Variants in MAGI2 observed in about 807,000 individuals in gnomAD.
MAGI2 encodes membrane-associated guanylate kinase, WW and PDZ domain-containing protein 2.
A neutral mutation model predicts 133.3 loss-of-function variants in MAGI2; 35 were observed. The observed-to-expected ratio is 0.26, with a 90% CI of 0.20 to 0.35. MAGI2 has a LOEUF of 0.35. Among genes scored for constraint, MAGI2 ranks in the 10% least tolerant of loss-of-function variants. The pLI is 1.00. For synonymous variants in MAGI2, 729 were observed against 710.6 expected (o/e 1.03, Z -0.41); for missense variants, 1,636 against 1,863.4 (o/e 0.88, Z 2.25).
chr7:78,368,294 C>A (rs534183726), intron 7 of MAGI2, among the ~76,000 whole-genome samples: 1 of 152,234 alleles, frequency 6.6e-6, no homozygotes, highest in South Asian at 2.1e-4. Context: ...AACTCTTGAC[C>A]ATCTGTAACT....
At chr7:78,715,752 T>C (rs1429457603) in intron 2 of MAGI2, among the ~76,000 whole-genome samples, 1 of 122,858 alleles carries the variant, frequency 8.1e-6, no homozygotes, top group African/African-American at 2.9e-5. Context: ...TTGTTTTAGA[T>C]AATAAGATAG....
chr7:78,737,063 A>G (rs567604762), intron 2 of MAGI2, among the ~76,000 whole-genome samples: 2 of 152,316 alleles, frequency 1.3e-5, no homozygotes, highest in African/African-American at 4.8e-5. Flanking sequence ...TTTGGCAGAC[A>G]TTTTCTTGAA....
At chr7:79,274,792 C>T (rs775171469) in intron 1 of MAGI2, among the ~76,000 whole-genome samples, 8 of 152,086 alleles carry the variant, frequency 5.3e-5, no homozygotes, top group Non-Finnish European at 1.0e-4. Flanking sequence ...CTTTGTGTCT[C>T]CACGTCACAT....
chr7:78,040,837 G>GC (rs1810756530), intron 21 of MAGI2, among the ~76,000 whole-genome samples: 1 of 152,132 alleles, frequency 6.6e-6, no homozygotes, highest in Non-Finnish European at 1.5e-5. Context: ...AACCATTAAG[G>GC]GGCTAACTGG....
At chr7:79,164,269 G>C (rs139882452) in intron 1 of MAGI2, among the ~76,000 whole-genome samples, 2 of 151,916 alleles carry the variant, frequency 1.3e-5, no homozygotes, top group Non-Finnish European at 2.9e-5. Flanking sequence ...TTATTTAACC[G>C]TATGTATTGT....
At chr7:78,602,869 T>C (rs994814727) in intron 3 of MAGI2, among the ~76,000 whole-genome samples, 1 of 152,238 alleles carries the variant, frequency 6.6e-6, no homozygotes, top group Non-Finnish European at 1.5e-5. Flanking sequence ...TATTATTGCA[T>C]AGACTTTGTT....
chr7:79,438,807 G>A (rs1340100033), intron 1 of MAGI2, among the ~76,000 whole-genome samples: 1 of 151,976 alleles, frequency 6.6e-6, no homozygotes, highest in Non-Finnish European at 1.5e-5. Context: ...CCATAAGTGA[G>A]TGAAACCAAA....
chr7:78,213,910 C>A (rs6963329), intron 10 of MAGI2, among the ~76,000 whole-genome samples: 44,162 of 152,046 alleles, frequency 0.29, 6,981 homozygotes, highest in Admixed American at 0.35. Context: ...CATACTACTC[C>A]CCCAACCTCC....
intron 1 of MAGI2, among the ~76,000 whole-genome samples, chr7:79,340,932 A>G (rs1041371654): frequency 1.3e-5 from 2 of 152,130 alleles, no homozygotes; most frequent in African/African-American, 2.4e-5. Context: ...ATTTTGTTGA[A>G]TATGGGAACT....
chr7:78,890,231 T>C (rs1336529687), intron 2 of MAGI2, among the ~76,000 whole-genome samples: 1 of 152,128 alleles, frequency 6.6e-6, no homozygotes, highest in Non-Finnish European at 1.5e-5. Context: ...ATAAAGCAAG[T>C]CCTTAGAGAC....
At chr7:79,391,488 C>CATATATATATATATATAGACATATAT (rs1844605515) in intron 1 of MAGI2, among the ~76,000 whole-genome samples, 24 of 119,328 alleles carry the variant, frequency 2.0e-4, no homozygotes, top group Admixed American at 2.8e-4. Flanking sequence ...TTACCTTTAA[C>CATATATATATATATATAGACATATAT]ATATATATAT....
chr7:79,333,604 A>C (rs1331926458), intron 1 of MAGI2, among the ~76,000 whole-genome samples: 1 of 152,214 alleles, frequency 6.6e-6, no homozygotes, highest in Non-Finnish European at 1.5e-5. Flanking sequence ...TTGGGTATTC[A>C]ATTCAAGCTC....
rs151140121 is a variant in MAGI2 at position 78,256,134 on chromosome 7, A to G, written c.1856T>C (p.Ile619Thr). ...CCGCTGTCCTGTAGGACTGTCGGCAATAGTGAAGCCGAAGCCCTGGGCACC... is the reference window on the plus strand; with the variant it reads ...CCGCTGTCCTGTAGGACTGTCGGCAGTAGTGAAGCCGAAGCCCTGGGCACC... Reference protein sequence around the residue: ...VKGAQGFGFTIADSPTGQRVK... With the variant: ...VKGAQGFGFTTADSPTGQRVK... Residue 619 changes from isoleucine to threonine, a missense_variant, in exon 10 of 22, where the codon ATT (isoleucine) becomes ACT (threonine). Ile to Thr is a moderately conservative substitution (Grantham distance 89). Coordinates refer to ENST00000354212, the MANE Select transcript of MAGI2 (RefSeq NM_012301.4). The G allele has an allele frequency of 4.3e-6, 7 of 1,613,794 alleles. No homozygotes were observed. Among genetic ancestry groups the G allele is most frequent in the Non-Finnish European group, 5.9e-6 (7 of 1,179,972 alleles).
At chr7:79,398,899 G>T (rs1367227147) in intron 1 of MAGI2, among the ~76,000 whole-genome samples, 1 of 151,948 alleles carries the variant, frequency 6.6e-6, no homozygotes, top group Non-Finnish European at 1.5e-5. Flanking sequence ...TATGAATATA[G>T]CTTACTTGTT....
intron 2 of MAGI2, among the ~76,000 whole-genome samples, chr7:78,994,647 C>A (rs1048779776): frequency 6.6e-6 from 1 of 151,986 alleles, no homozygotes; most frequent in Non-Finnish European, 1.5e-5. Context: ...ATCAGATAGA[C>A]CTAGGTTTGA....
At chr7:79,293,616 A>T (rs577982771) in intron 1 of MAGI2, among the ~76,000 whole-genome samples, 1 of 152,366 alleles carries the variant, frequency 6.6e-6, no homozygotes, top group South Asian at 2.1e-4. Context: ...TTAATTTACA[A>T]TGACATTATA....
intron 3 of MAGI2, among the ~76,000 whole-genome samples, chr7:78,571,529 A>G (rs1182473172): frequency 6.6e-6 from 1 of 152,210 alleles, no homozygotes; most frequent in Non-Finnish European, 1.5e-5. Flanking sequence ...AGAACATCTT[A>G]TATCTGCAAA....
At chr7:78,397,602 C>T (rs1313207868) in intron 6 of MAGI2, among the ~76,000 whole-genome samples, 2 of 152,074 alleles carry the variant, frequency 1.3e-5, no homozygotes, top group Non-Finnish European at 2.9e-5. Flanking sequence ...TAAGGTATGA[C>T]TTTGTGAATG....
At chr7:78,959,023 ACC>A (rs1435303835) in intron 2 of MAGI2, among the ~76,000 whole-genome samples, 5 of 151,952 alleles carry the variant, frequency 3.3e-5, no homozygotes. Flanking sequence ...CTACAAACCA[ACC>A]CTGGCTCTGC....
Sources: allele counts gnomAD v4.1 joint callset (sites outside exome capture counted in the v4.1 genomes callset), GRCh38; gene constraint gnomAD v4.1.1; transcripts MANE v1.5; gene names NCBI Gene and HGNC (gene_info 2026-07-23, HGNC 2026-07-21).